NUP188: variants seen among roughly 807,000 people sequenced by gnomAD.
The protein encoded by NUP188 is nucleoporin 188, also known as nucleoporin NUP188.
Under a neutral mutation model 223.0 loss-of-function variants are expected in NUP188, and 97 were observed. That is an observed-to-expected ratio of 0.43 (90% CI 0.37 to 0.51). The LOEUF is 0.51. Among genes scored for constraint, NUP188 ranks in the 20% least tolerant of loss-of-function variants. The probability of loss-of-function intolerance (pLI) is 0.00; values close to 1 mark genes in which losing one functional copy is unlikely to be tolerated. For missense variants in NUP188, 1,947 were observed against 2,175.6 expected (o/e 0.89, Z 2.09); for synonymous variants, 869 against 828.0 (o/e 1.05, Z -0.85).
At position 128,987,639 on chromosome 9, in the gene NUP188, A is replaced by T; in HGVS notation, c.2315A>T (p.Glu772Val). The T allele has an allele frequency of 6.2e-7, 1 of 1,614,036 alleles. No homozygotes were observed. Among genetic ancestry groups the T allele is most frequent in the Non-Finnish European group, 8.5e-7 (1 of 1,179,972 alleles). ...TGCATCTGCAGCCTGGCATACACAG[A>T]AGCAGGACAGACAGTTATCAATATC... ...FLCICSLAYT[E>V]AGQTVINIMG... is the part of the protein sequence containing the mutation. Residue 772 changes from glutamate (E) to valine (V), a missense_variant, in exon 23 of 44, where the codon GAA (glutamate) becomes GTA (valine). Transcript: ENST00000372577.
At chr9:128,979,854 G>A (rs1402341967) in intron 13 of NUP188, among the ~76,000 whole-genome samples, 3 of 152,104 alleles carry the variant, frequency 2.0e-5, no homozygotes, top group Non-Finnish European at 4.4e-5. Context: ...GGCTGGTCTC[G>A]ATCTCCTGAC....
Position 128,969,572 on chromosome 9 carries a change from A to G in NUP188, c.912+58A>G, listed in dbSNP as rs114409319. On this transcript the variant is annotated intron_variant, in intron 10 of 43. Coordinates refer to ENST00000372577, the MANE Select transcript of NUP188 (RefSeq NM_015354.3). The stretch of plus-strand genomic sequence containing the variant: ...GTTTATAAGTTAGTAGTAGCTTTCA[A>G]TTATTGAACTGCTGCATAAAATTTT... The G allele has an allele frequency of 6.3e-4, 548 of 876,792 alleles. 5 individuals are homozygous for G. In the African/African-American group the frequency reaches 7.2e-3, roughly 12 times the overall value. 54.3% of individuals were successfully genotyped at this position (876,792 alleles called of 1,614,324 possible). A position where few individuals can be genotyped will look rare whatever the true frequency, so the allele number is the denominator to read the frequency against.
At chr9:128,967,773 A>G (rs918860248) in intron 8 of NUP188, among the ~76,000 whole-genome samples, 5 of 151,252 alleles carry the variant, frequency 3.3e-5, no homozygotes, top group Non-Finnish European at 7.4e-5. Flanking sequence ...CTGGGGGATA[A>G]GAGTGAGACT....
chr9:128,993,407 A>G lies in NUP188; in HGVS notation c.2847+4A>G, dbSNP rs2131177832. On this transcript the variant is annotated splice_donor_region_variant and intron_variant, in intron 26 of 43. Transcript: ENST00000372577. ...GGATGGCAGTGATGGCTCAAAGGTA[A>G]GCCTGTAACCTGGGATGACACTGGG... is the stretch of plus-strand genomic sequence containing the variant. 1.2e-6 allele frequency: 2 copies of G among 1,614,136 alleles called. No individual in the cohort carries two copies. Among genetic ancestry groups the G allele is most frequent in the East Asian group, 4.5e-5 (2 of 44,886 alleles).
chr9:128,973,602 T>G (rs888829760), intron 12 of NUP188, among the ~76,000 whole-genome samples: 1 of 152,048 alleles, frequency 6.6e-6, no homozygotes, highest in Non-Finnish European at 1.5e-5. Context: ...AGGCTGGTCT[T>G]AAACTCCTGA....
intron 25 of NUP188, among the ~76,000 whole-genome samples, chr9:128,991,423 C>T (rs1225413491): frequency 6.6e-6 from 1 of 151,920 alleles, no homozygotes; most frequent in Non-Finnish European, 1.5e-5. Flanking sequence ...ATCCCAGCTA[C>T]TCAGGAGGCT....
chr9:128,995,600 G>A (rs912274904), intron 30 of NUP188, 86 bp downstream of exon 30: 27 of 1,172,112 alleles, frequency 2.3e-5, no homozygotes, highest in Middle Eastern at 5.8e-4. Context: ...CTCCTTGTGC[G>A]GAAGAATTAA....
At chr9:128,967,407 C>T (rs1304336696) in intron 8 of NUP188, among the ~76,000 whole-genome samples, 1 of 152,134 alleles carries the variant, frequency 6.6e-6, no homozygotes, top group Non-Finnish European at 1.5e-5. Context: ...GTAATCCCAC[C>T]ACTTTGTGAG....
chr9:128,970,593 G>C (rs1430082527), intron 10 of NUP188, among the ~76,000 whole-genome samples, 165 bp from the exon 11 acceptor site: 2 of 152,184 alleles, frequency 1.3e-5, no homozygotes, highest in Admixed American at 6.6e-5. Context: ...TTGTAATTGA[G>C]GGGTTTATTA....
Position 129,005,823 on chromosome 9 carries a change from C to T in NUP188, c.4869+47C>T, listed in dbSNP as rs17481372. 4,984 of 1,548,062 alleles carry T rather than the reference C, an allele frequency of 3.2e-3. 150 individuals are homozygous for T. The East Asian group carries it at 0.057, about 18-fold the overall frequency. The stretch of plus-strand genomic sequence containing the variant: ...CTGTCCTCTCCCCCCGGCTCCTCCC[C>T]CTGCCTGCCACTTCCCAGCTGACCT... On this transcript the variant is annotated intron_variant, in intron 41 of 43. Transcript: ENST00000372577.
intron 20 of NUP188, 145 bp downstream of exon 20, chr9:128,985,159 G>A: frequency 1.6e-6 from 1 of 611,026 alleles, no homozygotes; most frequent in Non-Finnish European, 2.9e-6. Flanking sequence ...AGTGACAACA[G>A]TTTCTATGTA....
Position 128,984,927 on chromosome 9 carries a change from C to T in NUP188, c.1989C>T (p.Tyr663=), listed in dbSNP as rs746200158. 14 of 1,613,160 alleles carry T rather than the reference C, an allele frequency of 8.7e-6. No individual in the cohort carries two copies. The East Asian group carries it at 1.1e-4, about 13-fold the overall frequency. The part of the protein sequence containing the change: ...ISAEGMNAGG[Y]GNLLMNSEQP... ...CGGAAGGGATGAATGCTGGAGGGTA[C>T]GGAAACCTCTTGATGAACAGTGAAC... Residue 663 remains tyrosine, a synonymous_variant, in exon 20 of 44, where the codon TAC becomes TAT. Coordinates refer to ENST00000372577, the MANE Select transcript of NUP188 (RefSeq NM_015354.3).
At chr9:128,975,513 C>T (rs1438988122) in intron 12 of NUP188, among the ~76,000 whole-genome samples, 5 of 151,738 alleles carry the variant, frequency 3.3e-5, no homozygotes, top group Non-Finnish European at 7.4e-5. Flanking sequence ...TGAGCCACCG[C>T]GCCTGGCCTT....
chr9:129,003,367 G>A lies in NUP188; in HGVS notation c.4347G>A (p.Ala1449=), dbSNP rs144742765. 1.7e-4 allele frequency: 277 copies of A among 1,613,176 alleles called. No homozygotes were observed. Among genetic ancestry groups the A allele is most frequent in the African/African-American group, 3.3e-4 (25 of 74,908 alleles). ...AGAGTCTGGCCTGCCTGGAGGAGGC[G>A]GACCACACCGTGGGTTTTATTCTGC... ...TVQSLACLEE[A]DHTVGFILQL... Residue 1449 remains alanine, a synonymous_variant, in exon 38 of 44, where the codon GCG becomes GCA. Coordinates refer to ENST00000372577, the MANE Select transcript of NUP188 (RefSeq NM_015354.3).
chr9:128,985,370 TCA>T (rs957169078), intron 20 of NUP188: 2 of 165,278 alleles, frequency 1.2e-5, no homozygotes, highest in South Asian at 1.9e-4. Flanking sequence ...AAGCAAAATT[TCA>T]CAGTTTATTT....
In NUP188 at chr9:128,993,193, C is replaced by G. The variant is rs1447250833; in HGVS notation, c.2641-4C>G. The G allele has an allele frequency of 6.2e-7, 1 of 1,613,172 alleles. No homozygotes were observed. The highest frequency in any genetic ancestry group is 1.1e-5 in the South Asian group (1 of 91,062). On this transcript the variant is annotated splice_region_variant and splice_polypyrimidine_tract_variant and intron_variant, in intron 25 of 43. Transcript: ENST00000372577. Reference sequence around the variant, plus strand: ...CTAAGCCTGTGTGTTCCGGTCTCCACCAGGTGGCCCCAATGTCAGTGTATG... The same window carrying G: ...CTAAGCCTGTGTGTTCCGGTCTCCAGCAGGTGGCCCCAATGTCAGTGTATG...
intron 12 of NUP188, among the ~76,000 whole-genome samples, chr9:128,973,765 C>T (rs1842134843): frequency 6.6e-6 from 1 of 152,114 alleles, no homozygotes; most frequent in Non-Finnish European, 1.5e-5. Flanking sequence ...AAAGTATAGT[C>T]CTATCACATA....
At chr9:128,985,947 G>A (rs1270433545) in intron 20 of NUP188, among the ~76,000 whole-genome samples, 3 of 152,098 alleles carry the variant, frequency 2.0e-5, no homozygotes, top group Admixed American at 6.6e-5. Context: ...GCTGAGGCAG[G>A]AGAATTGCTT....
In NUP188 at chr9:128,968,690, CTA is replaced by C. The variant is rs1842065811; in HGVS notation, c.772_773del (p.Met258GlyfsTer26). On this transcript the variant is annotated frameshift_variant, in exon 9 of 44. Transcript: ENST00000372577. LOFTEE classifies it high-confidence loss of function. ...ACCAATAGGCACCTGGTGGATGAGA[CTA>C]TGGATCCTTTTGTAGATCGGATTGG... The C allele has an allele frequency of 6.2e-7, 1 of 1,613,808 alleles. No individual in the cohort carries two copies.
Sources: gnomAD v4.1 joint callset for allele counts (sites outside exome capture counted in the v4.1 genomes callset) on GRCh38, gnomAD v4.1.1 for gene constraint, MANE v1.5 for transcripts, NCBI Gene and HGNC (gene_info 2026-07-23, HGNC 2026-07-21) for gene names.